Variants in MACROD2 observed in about 807,000 individuals in gnomAD.
MACROD2 encodes the protein ADP-ribose glycohydrolase MACROD2.
A neutral mutation model predicts 70.4 loss-of-function variants in MACROD2; 36 were observed. The observed-to-expected ratio is 0.51, with a 90% confidence interval of 0.39 to 0.68. The LOEUF is 0.68. Ranked by LOEUF, MACROD2 falls within the 30% of genes least tolerant of loss-of-function variation. The probability of loss-of-function intolerance (pLI) is 0.00; values close to 1 mark genes in which losing one functional copy is unlikely to be tolerated. For missense variants in MACROD2, 496 were observed against 538.4 expected (o/e 0.92, Z 0.78); for synonymous variants, 172 against 178.8 (o/e 0.96, Z 0.30).
intron 8 of MACROD2, among the ~76,000 whole-genome samples, chr20:15,539,320 T>C (rs766026343): frequency 2.0e-5 from 3 of 152,206 alleles, no homozygotes; most frequent in Non-Finnish European, 4.4e-5. Context: ...GGGCTTAAGC[T>C]GACTGTAGGA....
At chr20:15,718,996 T>C (rs2050746112) in intron 8 of MACROD2, among the ~76,000 whole-genome samples, 1 of 152,214 alleles carries the variant, frequency 6.6e-6, no homozygotes, top group Admixed American at 6.5e-5. Context: ...GTGCTGATTA[T>C]TAAACAGTTT....
chr20:15,631,215 C>T lies in MACROD2; in HGVS notation c.645+131368C>T, dbSNP rs559728751. On this transcript the variant is annotated intron_variant, in intron 8 of 17. Coordinates refer to ENST00000684519, the MANE Select transcript of MACROD2 (RefSeq NM_001351661.2). ...GCCAAGTTCTTGCAGAAGGACAGCACGGTCTCTTTCAGCTCCTTAAATATG... is the reference window on the plus strand; with the variant it reads ...GCCAAGTTCTTGCAGAAGGACAGCATGGTCTCTTTCAGCTCCTTAAATATG... Among the ~76,000 whole-genome samples, 3 of 152,288 alleles carry T rather than the reference C, an allele frequency of 2.0e-5. No individual in the cohort carries two copies. The South Asian group carries it at 6.2e-4, about 32-fold the overall frequency.
rs114658598 is a variant in MACROD2 at position 15,667,146 on chromosome 20, A to C, written c.645+167299A>C. Among the ~76,000 whole-genome samples the C allele has an allele frequency of 8.4e-3, 1,286 of 152,202 alleles. 17 individuals carry two copies. Among genetic ancestry groups the C allele is most frequent in the African/African-American group, 0.028 (1,150 of 41,540 alleles). On this transcript the variant is annotated intron_variant, in intron 8 of 17. Transcript: ENST00000684519. ...GGGCCTGGTGGGAGGTGTTTTGGCC[A>C]TCAGGGTGGATCCCTCATGGCCTGG...
chr20:15,228,188 A>AT (rs34615122), intron 5 of MACROD2, among the ~76,000 whole-genome samples: 6 of 151,780 alleles, frequency 4.0e-5, no homozygotes, highest in East Asian at 1.9e-4. Context: ...ACTGTGTGCT[A>AT]TTTTTTTTCC....
rs191974571 is a variant in MACROD2, at chr20:14,382,764, A to G, written c.272-110715A>G. On this transcript the variant is annotated intron_variant, in intron 3 of 17. Coordinates refer to ENST00000684519, the MANE Select transcript of MACROD2 (RefSeq NM_001351661.2). ...GATTTGCCAAGTATTCTATGTTTTC[A>G]AAAAGGCAGCCTGAGAAATTTCCTG... Among the ~76,000 whole-genome samples the G allele has an allele frequency of 1.3e-4, 20 of 152,288 alleles. No individual in the cohort carries two copies. The East Asian group carries it at 3.9e-3, about 29-fold the overall frequency.
At chr20:14,544,465 T>C (rs1024295187) in intron 4 of MACROD2, among the ~76,000 whole-genome samples, 10 of 152,114 alleles carry the variant, frequency 6.6e-5, no homozygotes, top group African/African-American at 2.2e-4. Context: ...GTAATATAGC[T>C]ATATGTGTGA....
At chr20:15,201,707 C>T (rs1406573162) in intron 5 of MACROD2, among the ~76,000 whole-genome samples, 1 of 152,182 alleles carries the variant, frequency 6.6e-6, no homozygotes, top group Non-Finnish European at 1.5e-5. Flanking sequence ...CTTACCTAAG[C>T]ACTTCTATTG....
chr20:14,353,738 CTT>C (rs1318545164), intron 3 of MACROD2, among the ~76,000 whole-genome samples: 1 of 152,098 alleles, frequency 6.6e-6, no homozygotes, highest in Non-Finnish European at 1.5e-5. Context: ...CTCTATGTCT[CTT>C]TTGAAGGGCA....
intron 5 of MACROD2, among the ~76,000 whole-genome samples, chr20:14,737,298 G>C (rs192479269): frequency 1.0e-3 from 157 of 152,160 alleles, no homozygotes; most frequent in Middle Eastern, 3.4e-3. Context: ...CTTTTTTGTG[G>C]CTGCAGAGTA....
At chr20:14,928,957 G>T (rs436608) in intron 5 of MACROD2, among the ~76,000 whole-genome samples, 74,693 of 151,970 alleles carry the variant, frequency 0.49, 19,101 homozygotes, top group South Asian at 0.71. Flanking sequence ...ATAAGCATAT[G>T]TTTGTTTGGT....
chr20:14,430,553 A>C (rs1387623583), intron 3 of MACROD2, among the ~76,000 whole-genome samples: 1 of 146,378 alleles, frequency 6.8e-6, no homozygotes, highest in Admixed American at 6.7e-5. Flanking sequence ...TGCTTTGTTC[A>C]AAACAGAAAA....
At chr20:14,116,929 T>C (rs1460087092) in intron 3 of MACROD2, among the ~76,000 whole-genome samples, 1 of 152,034 alleles carries the variant, frequency 6.6e-6, no homozygotes, top group East Asian at 1.9e-4. Flanking sequence ...TAGCCAGTTG[T>C]GGTGGCATGC....
intron 2 of MACROD2, among the ~76,000 whole-genome samples, chr20:14,078,192 G>A (rs1276314780): frequency 3.9e-5 from 6 of 151,930 alleles, no homozygotes; most frequent in African/African-American, 1.5e-4. Flanking sequence ...GTGAGCCATC[G>A]TGCCCGGCCG....
intron 5 of MACROD2, among the ~76,000 whole-genome samples, chr20:15,168,441 ATGTGTGTGTGTGTGTGTGTGTGTGTG>A (rs56188346): frequency 4.5e-5 from 6 of 134,658 alleles, no homozygotes; most frequent in South Asian, 2.6e-4. Context: ...ACATTGTGGG[ATGTGTGTGTGTGTGTGTGTGTGTGTG>A]TGTGTGTGTG....
At chr20:15,051,608 T>A (rs1338078932) in intron 5 of MACROD2, among the ~76,000 whole-genome samples, 1 of 152,068 alleles carries the variant, frequency 6.6e-6, no homozygotes, top group Non-Finnish European at 1.5e-5. Flanking sequence ...AAGTATAATC[T>A]CCTCCACTTC....
At chr20:14,966,890 A>G (rs770948552) in intron 5 of MACROD2, among the ~76,000 whole-genome samples, 2 of 152,184 alleles carry the variant, frequency 1.3e-5, no homozygotes, top group Non-Finnish European at 2.9e-5. Context: ...ACAATTATGT[A>G]TAAAGCTGCT....
chr20:14,920,536 A>T (rs2074149262), intron 5 of MACROD2, among the ~76,000 whole-genome samples: 1 of 152,098 alleles, frequency 6.6e-6, no homozygotes, highest in African/African-American at 2.4e-5. Context: ...GCTCTCATTT[A>T]ATTTTTTCTT....
At chr20:15,869,234 T>TAGAG (rs1198181652) in intron 9 of MACROD2, among the ~76,000 whole-genome samples, 1,590 of 31,402 alleles carry the variant, frequency 0.051, 44 homozygotes, top group East Asian at 0.11. Flanking sequence ...TATATATATA[T>TAGAG]ATATAGAGAG....
chr20:15,860,012 GT>G (rs1296205930), intron 8 of MACROD2, among the ~76,000 whole-genome samples: 1 of 152,148 alleles, frequency 6.6e-6, no homozygotes, highest in Non-Finnish European at 1.5e-5. Context: ...GCATGTGCCT[GT>G]AGTCCCAACT....
Sources: allele counts gnomAD v4.1 joint callset (sites outside exome capture counted in the v4.1 genomes callset), GRCh38; gene constraint gnomAD v4.1.1; transcripts MANE v1.5; gene names NCBI Gene and HGNC (gene_info 2026-07-23, HGNC 2026-07-21).